RNF111: variants seen among roughly 807,000 people sequenced by gnomAD.
RNF111 encodes ring finger protein 111.
RNF111 carries 17 observed loss-of-function variants against 95.1 expected under a neutral mutation model. The observed-to-expected ratio is 0.18, with a 90% CI of 0.12 to 0.27. The LOEUF is 0.27. RNF111 is among the 10% of genes least tolerant of loss of function. The pLI is 1.00. For synonymous variants in RNF111, 440 were observed against 414.8 expected (o/e 1.06, Z -0.74); for missense variants, 1,189 against 1,210.4 (o/e 0.98, Z 0.26).
chr15:59,062,469 T>C (rs1355698477), intron 5 of RNF111, among the ~76,000 whole-genome samples: 1 of 152,244 alleles, frequency 6.6e-6, no homozygotes, highest in Non-Finnish European at 1.5e-5. Context: ...CCTTGTGTTA[T>C]GCCTACATGA....
chr15:59,006,788 A>G (rs1361039259), intron 1 of RNF111, among the ~76,000 whole-genome samples: 2 of 152,086 alleles, frequency 1.3e-5, no homozygotes, highest in Non-Finnish European at 2.9e-5. Flanking sequence ...GTTTACAGTT[A>G]TTTATTTTTT....
rs549824380 is a variant in RNF111, at chr15:59,084,051, A to AT, written c.2298-71dup. On this transcript the variant is annotated intron_variant, in intron 8 of 13. Transcript: ENST00000348370. The stretch of plus-strand genomic sequence containing the variant: ...GATGTTTATAGTATTAATACTAGGG[A>AT]TTTTTTTCTACATTAAGAAAAGAAA... 1.5e-4 allele frequency: 206 copies of AT among 1,368,122 alleles called. 2 individuals are homozygous for AT. The East Asian group carries it at 4.1e-3, about 27-fold the overall frequency. The allele number at this position is 1,368,122 out of a possible 1,614,324, so 84.7% of individuals were successfully genotyped here.
intron 2 of RNF111, among the ~76,000 whole-genome samples, chr15:59,048,771 T>G (rs1294285739): frequency 1.3e-5 from 2 of 152,188 alleles, no homozygotes; most frequent in Non-Finnish European, 2.9e-5. Context: ...ATTTTTAAGC[T>G]TATTGTTCAG....
chr15:59,051,496 C>T (rs1485364723), intron 2 of RNF111, among the ~76,000 whole-genome samples: 1 of 148,818 alleles, frequency 6.7e-6, no homozygotes, highest in South Asian at 2.1e-4. Flanking sequence ...CAAATTTTGG[C>T]TGGGTGCAGT....
At chr15:59,071,025 C>T (rs573561522) in intron 6 of RNF111, among the ~76,000 whole-genome samples, 34 of 152,086 alleles carry the variant, frequency 2.2e-4, no homozygotes, top group Non-Finnish European at 2.9e-4. Flanking sequence ...TGGCCGGGCG[C>T]GGTGGCTCAC....
At chr15:58,989,803 T>C (rs2038731001) in intron 1 of RNF111, among the ~76,000 whole-genome samples, 2 of 152,186 alleles carry the variant, frequency 1.3e-5, no homozygotes. Flanking sequence ...CTCCTAGTTA[T>C]TTTACTTTAA....
At chr15:59,002,371 G>C (rs1201269231) in intron 1 of RNF111, among the ~76,000 whole-genome samples, 1 of 151,916 alleles carries the variant, frequency 6.6e-6, no homozygotes, top group Non-Finnish European at 1.5e-5. Flanking sequence ...ATGGTATTTG[G>C]TACTTTGTTA....
chr15:59,011,638 T>C (rs2039820522), intron 1 of RNF111, among the ~76,000 whole-genome samples: 1 of 152,208 alleles, frequency 6.6e-6, no homozygotes, highest in Non-Finnish European at 1.5e-5. Flanking sequence ...ATAATCTTTT[T>C]TTCTGTGTGT....
chr15:59,031,001 T>TG lies in RNF111; in HGVS notation c.183dup (p.Asn62GlufsTer2). On this transcript the variant is annotated frameshift_variant, in exon 2 of 14. Coordinates refer to ENST00000348370, the MANE Select transcript of RNF111 (RefSeq NM_017610.8). LOFTEE classifies it high-confidence loss of function. ...GGAGTTGAGATGATTAATAGTAAAG[T>TG]GGGGAATGAATTCTCTCACCTGTGT... is the stretch of plus-strand genomic sequence containing the variant. The TG allele has an allele frequency of 6.2e-7, 1 of 1,614,118 alleles. No homozygotes were observed. Among genetic ancestry groups the TG allele is most frequent in the Non-Finnish European group, 8.5e-7 (1 of 1,180,004 alleles).
intron 3 of RNF111, 55 bp from the exon 4 acceptor site, chr15:59,055,627 G>C: frequency 7.6e-7 from 1 of 1,323,950 alleles, no homozygotes; most frequent in Non-Finnish European, 1.0e-6. Context: ...GGGTTTTTGT[G>C]GTGACTAAAA....
intron 1 of RNF111, among the ~76,000 whole-genome samples, chr15:59,014,478 A>G (rs1173315188): frequency 2.0e-5 from 3 of 152,232 alleles, no homozygotes; most frequent in Non-Finnish European, 4.4e-5. Flanking sequence ...TTGTATCATA[A>G]TACTTGGCAG....
At chr15:59,076,416 T>G (rs1302725218) in intron 7 of RNF111, among the ~76,000 whole-genome samples, 3 of 152,232 alleles carry the variant, frequency 2.0e-5, no homozygotes, top group African/African-American at 7.2e-5. Context: ...GATTTGTTCT[T>G]TAGTATAGCT....
Position 59,031,463 on chromosome 15 carries a change from A to G in RNF111, c.641A>G (p.Lys214Arg), listed in dbSNP as rs778357414. The G allele has an allele frequency of 6.2e-7, 1 of 1,614,120 alleles. No homozygotes were observed. The highest frequency in any genetic ancestry group is 8.5e-7 in the Non-Finnish European group (1 of 1,180,058). ...GSSLRRLPCR[K>R]RFVKNNSSQR... ...TCGTTACGGAGACTTCCATGCAGAA[A>G]GAGATTTGTAAAAAATAATTCCTCA... The change falls in exon 2 of 14, where the codon AAG (lysine) becomes AGG (arginine). Residue 214 changes from lysine (K) to arginine (R), a missense_variant. By Grantham distance (26) the Lys-to-Arg change is conservative. Transcript: ENST00000348370.
chr15:59,055,520 A>AGTTAGTTGGTG (rs1420389322), intron 3 of RNF111, among the ~76,000 whole-genome samples, 162 bp from the exon 4 acceptor site: 2 of 65,078 alleles, frequency 3.1e-5, no homozygotes, highest in African/African-American at 2.0e-4. Context: ...TTCTTAGGTC[A>AGTTAGTTGGTG]ATTAGTTTAC....
intron 10 of RNF111, among the ~76,000 whole-genome samples, chr15:59,088,849 T>C (rs371793425): frequency 6.6e-6 from 1 of 152,226 alleles, no homozygotes; most frequent in Non-Finnish European, 1.5e-5. Flanking sequence ...ATGAAACTTA[T>C]TCTCTCCATA....
intron 6 of RNF111, among the ~76,000 whole-genome samples, chr15:59,071,690 C>CA (rs1208515921): frequency 0.023 from 2,755 of 119,500 alleles, 44 homozygotes; most frequent in East Asian, 0.043. Context: ...GATCCTGTCG[C>CA]AAAAAAAAAA....
chr15:59,084,639 G>A (rs1566942888), intron 9 of RNF111, among the ~76,000 whole-genome samples: 1 of 151,966 alleles, frequency 6.6e-6, no homozygotes, highest in Non-Finnish European at 1.5e-5. Context: ...AAAATCTTTT[G>A]TCGCAGTTTT....
chr15:59,090,546 T>TA (rs2079024827), intron 11 of RNF111, among the ~76,000 whole-genome samples: 1 of 152,208 alleles, frequency 6.6e-6, no homozygotes, highest in Admixed American at 6.5e-5. Context: ...GTGTTTTTTT[T>TA]ATGTCAGTTT....
In RNF111 at chr15:59,047,881, T is replaced by C. The variant is rs564620093; in HGVS notation, c.881-4424T>C. 3.9e-5 allele frequency among the ~76,000 whole-genome samples: 6 copies of C among 152,326 alleles called. No individual in the cohort carries two copies. The South Asian group carries it at 1.2e-3, about 32-fold the overall frequency. On this transcript the variant is annotated intron_variant, in intron 2 of 13. Transcript: ENST00000348370. ...TGAGCCACTGTATCCAGCCTACTTA[T>C]TTTAGAAATGGTTATTAAAACCACA...
Sources: gnomAD v4.1 joint callset for allele counts (sites outside exome capture counted in the v4.1 genomes callset) on GRCh38, gnomAD v4.1.1 for gene constraint, MANE v1.5 for transcripts, NCBI Gene and HGNC (gene_info 2026-07-23, HGNC 2026-07-21) for gene names.